PCSK6: variants seen among roughly 807,000 people sequenced by gnomAD.
The protein encoded by PCSK6 is proprotein convertase subtilisin/kexin type 6, also known as paired basic amino acid cleaving enzyme 4.
A neutral mutation model predicts 123.3 loss-of-function variants in PCSK6; 85 were observed. The ratio of observed to expected loss-of-function variants is 0.69; its 90% confidence interval spans 0.58 to 0.83. The LOEUF (loss-of-function observed/expected upper bound fraction) is 0.83, where lower values mean the gene tolerates loss of function less well. Among genes scored for constraint, PCSK6 ranks in the 40% least tolerant of loss-of-function variants. The pLI, the probability that PCSK6 is intolerant of heterozygous loss-of-function variation, is 0.00. For synonymous variants in PCSK6, 508 were observed against 516.0 expected (o/e 0.98, Z 0.21); for missense variants, 1,191 against 1,282.3 (o/e 0.93, Z 1.09).
intron 6 of PCSK6, among the ~76,000 whole-genome samples, chr15:101,418,795 G>C (rs2055981520): frequency 6.6e-6 from 1 of 152,188 alleles, no homozygotes; most frequent in Admixed American, 6.5e-5. Flanking sequence ...TTACAGGCGT[G>C]AGCCACTGTG....
chr15:101,411,637 C>A (rs1161651958), intron 6 of PCSK6, among the ~76,000 whole-genome samples: 1 of 152,178 alleles, frequency 6.6e-6, no homozygotes, highest in Non-Finnish European at 1.5e-5. Context: ...CCCGACGAGA[C>A]AGGGCCAATA....
At chr15:101,418,744 A>C (rs2055979391) in intron 6 of PCSK6, among the ~76,000 whole-genome samples, 2 of 152,234 alleles carry the variant, frequency 1.3e-5, no homozygotes, top group South Asian at 4.1e-4. Context: ...AGCTCCCGAC[A>C]TCAGGTGATC....
At chr15:101,374,814 C>T (rs374231596) in intron 11 of PCSK6, among the ~76,000 whole-genome samples, 1 of 152,232 alleles carries the variant, frequency 6.6e-6, no homozygotes, top group Admixed American at 6.5e-5. Context: ...CAAGAGGCTT[C>T]TAGGTCACTT....
chr15:101,459,769 T>C (rs904945694), intron 1 of PCSK6, among the ~76,000 whole-genome samples: 1 of 150,784 alleles, frequency 6.6e-6, no homozygotes, highest in African/African-American at 2.4e-5. Context: ...TGGTTCCTGG[T>C]CCTCCATCCA....
rs1282079782 is a variant in PCSK6, at chr15:101,318,390, TCA to T, written c.2496_2497del (p.Cys832Ter). 1.9e-6 allele frequency: 3 copies of T among 1,563,696 alleles called. No individual in the cohort carries two copies. The highest frequency in any genetic ancestry group is 2.6e-6 in the Non-Finnish European group (3 of 1,154,040). On this transcript the variant is annotated stop_gained and frameshift_variant, in exon 19 of 22. Coordinates refer to ENST00000611716, the MANE Select transcript of PCSK6 (RefSeq NM_002570.5). LOFTEE classifies it high-confidence loss of function. The stretch of plus-strand genomic sequence containing the variant: ...CTCTGAGTCAAAGTAGGTGCCTGGC[TCA>T]CAGTCAGGAATGCAGCTGCCCCGTG...
chr15:101,309,408 C>T (rs755418096), intron 20 of PCSK6, among the ~76,000 whole-genome samples: 3 of 152,232 alleles, frequency 2.0e-5, no homozygotes, highest in African/African-American at 7.2e-5. Context: ...CAGCTTTGGG[C>T]AGGGTGGCTT....
At chr15:101,406,043 G>GC (rs2042769075) in intron 6 of PCSK6, among the ~76,000 whole-genome samples, 1 of 152,110 alleles carries the variant, frequency 6.6e-6, no homozygotes, top group African/African-American at 2.4e-5. Context: ...GTACCCGGCC[G>GC]CCTGCTTCTA....
intron 20 of PCSK6, among the ~76,000 whole-genome samples, chr15:101,309,489 C>T (rs1290599150): frequency 1.3e-5 from 2 of 152,256 alleles, no homozygotes; most frequent in Non-Finnish European, 2.9e-5. Context: ...CCGCTTTGCC[C>T]TGCCACATTC....
intron 3 of PCSK6, 182 bp from the exon 4 acceptor site, chr15:101,431,645 TC>T (rs974843580): frequency 2.6e-6 from 2 of 760,172 alleles, no homozygotes; most frequent in African/African-American, 3.5e-5. Context: ...TGCAGACGGC[TC>T]CCTTGCTTTT....
intron 6 of PCSK6, among the ~76,000 whole-genome samples, chr15:101,404,575 G>C (rs923718433): frequency 6.6e-6 from 1 of 152,196 alleles, no homozygotes; most frequent in African/African-American, 2.4e-5. Flanking sequence ...TCACGGTAGG[G>C]GAAGAGAGTG....
chr15:101,349,259 G>A lies in PCSK6; in HGVS notation c.1858+16937C>T, dbSNP rs555974730. On this transcript the variant is annotated intron_variant, in intron 13 of 21. Coordinates refer to ENST00000611716, the MANE Select transcript of PCSK6 (RefSeq NM_002570.5). ...CTCCTCCTGGCAGTTTCAACACAAA[G>A]CTTTTGGTTAGCAAAGTTTTGTTTG... Among the ~76,000 whole-genome samples the A allele has an allele frequency of 5.6e-4, 86 of 152,312 alleles. 2 individuals carry two copies. Among genetic ancestry groups the A allele is most frequent in the South Asian group, 5.4e-3 (26 of 4,832 alleles).
At chr15:101,446,468 C>T (rs112293358) in intron 1 of PCSK6, among the ~76,000 whole-genome samples, 80 of 152,362 alleles carry the variant, frequency 5.3e-4, no homozygotes, top group African/African-American at 1.7e-3. Context: ...AATATCTGCT[C>T]GTGTCCCTGC....
intron 2 of PCSK6, among the ~76,000 whole-genome samples, chr15:101,433,628 C>T (rs946187434): frequency 3.9e-5 from 6 of 152,206 alleles, no homozygotes; most frequent in African/African-American, 7.2e-5. Context: ...GAGAAGGGGG[C>T]GGGGCCCCAA....
chr15:101,349,219 T>C (rs757975165), intron 13 of PCSK6, among the ~76,000 whole-genome samples: 19 of 152,204 alleles, frequency 1.2e-4, no homozygotes, highest in Non-Finnish European at 2.4e-4. Flanking sequence ...GCCAAGGCAA[T>C]GCTTGGCTTA....
chr15:101,422,357 G>A (rs557574398), intron 6 of PCSK6, among the ~76,000 whole-genome samples: 1 of 152,340 alleles, frequency 6.6e-6, no homozygotes, highest in South Asian at 2.1e-4. Flanking sequence ...CTGAGAGGCT[G>A]GAGGAGCTGA....
In PCSK6 at chr15:101,370,310, C is replaced by A. The variant is rs1009605594; in HGVS notation, c.1721+25G>T. On this transcript the variant is annotated intron_variant, in intron 12 of 21. Transcript: ENST00000611716. ...GGTCAATCTCAGTGAGCCCAGACCC[C>A]ATCCCCACGCCTGCCTCGCCTTACC... is the stretch of plus-strand genomic sequence containing the variant. The A allele has an allele frequency of 8.7e-6, 13 of 1,493,498 alleles. No homozygotes were observed. In the South Asian group the frequency reaches 1.6e-4, roughly 19 times the overall value. The allele number at this position is 1,493,498 out of a possible 1,614,324, so 92.5% of individuals were successfully genotyped here.
chr15:101,341,443 G>C (rs182079978), intron 13 of PCSK6, among the ~76,000 whole-genome samples: 1 of 151,812 alleles, frequency 6.6e-6, no homozygotes, highest in Non-Finnish European at 1.5e-5. Context: ...TGTATTTTTA[G>C]TAGAGATGAG....
At position 101,398,594 on chromosome 15, in the gene PCSK6, G is replaced by A. The variant is rs763015289; in HGVS notation, c.824-18C>T. ...GCGGATGCCTGAAAGCACAGAGGAG[G>A]CTCGGTGTCGGCGCCCAGGCTCCGG... On this transcript the variant is annotated intron_variant, in intron 6 of 21. Transcript: ENST00000611716. This position sits in a 1 kb window ranked among gnomAD's most constrained non-coding sequence, Gnocchi z 4.6. The A allele has an allele frequency of 2.1e-5, 34 of 1,598,278 alleles. No homozygotes were observed. The highest frequency in any genetic ancestry group is 2.9e-5 in the Non-Finnish European group (34 of 1,170,580).
intron 13 of PCSK6, among the ~76,000 whole-genome samples, chr15:101,365,473 G>A (rs574054727): frequency 1.3e-5 from 2 of 152,158 alleles, no homozygotes; most frequent in Non-Finnish European, 2.9e-5. Context: ...GTAAAAGGGT[G>A]CAGCCAATGT....
Sources: gnomAD v4.1 joint callset for allele counts (sites outside exome capture counted in the v4.1 genomes callset) on GRCh38, gnomAD v4.1.1 for gene constraint, Gnocchi (gnomAD v3.1) non-coding constraint, MANE v1.5 for transcripts, NCBI Gene and HGNC (gene_info 2026-07-23, HGNC 2026-07-21) for gene names.